Variants in EPSTI1 observed in about 807,000 individuals in gnomAD.
The protein encoded by EPSTI1 is epithelial stromal interaction 1, also known as epithelial-stromal interaction protein 1.
In EPSTI1, 66 loss-of-function variants were observed where a neutral mutation model predicts 49.9. The observed-to-expected ratio is 1.32, with a 90% confidence interval of 1.08 to 1.62. The LOEUF (loss-of-function observed/expected upper bound fraction) is 1.62. Ranked by LOEUF, EPSTI1 falls within the 40% of genes most tolerant of loss-of-function variation. EPSTI1 has a pLI of 0.00. For synonymous variants in EPSTI1, 137 were observed against 130.7 expected (o/e 1.05, Z -0.33); for missense variants, 394 against 365.5 (o/e 1.08, Z -0.64).
intron 7 of EPSTI1, among the ~76,000 whole-genome samples, chr13:42,923,413 T>C (rs1358026319): frequency 6.6e-6 from 1 of 151,962 alleles, no homozygotes; most frequent in Non-Finnish European, 1.5e-5. Flanking sequence ...CTACAAAAGT[T>C]AGCTGGGCGT....
chr13:42,949,637 G>A (rs2039035868), intron 6 of EPSTI1, among the ~76,000 whole-genome samples: 1 of 148,282 alleles, frequency 6.7e-6, no homozygotes, highest in Non-Finnish European at 1.5e-5. Flanking sequence ...TTTCTTTTTT[G>A]GTCATCAAGT....
chr13:42,951,656 T>A (rs558196409), intron 6 of EPSTI1, among the ~76,000 whole-genome samples: 1 of 152,198 alleles, frequency 6.6e-6, no homozygotes, highest in African/African-American at 2.4e-5. Flanking sequence ...AGAAAGGAGG[T>A]TGGACGCACA....
intron 6 of EPSTI1, 72 bp downstream of exon 6, chr13:42,953,876 C>T: frequency 8.3e-7 from 1 of 1,205,376 alleles, no homozygotes. Context: ...GACAAGTTAG[C>T]ATCACCTGAA....
At chr13:42,932,436 T>C (rs2038407680) in intron 6 of EPSTI1, among the ~76,000 whole-genome samples, 1 of 152,076 alleles carries the variant, frequency 6.6e-6, no homozygotes. Flanking sequence ...TATGACTCAG[T>C]CTCTCAATCC....
chr13:42,948,042 C>T (rs1288006744), intron 6 of EPSTI1, among the ~76,000 whole-genome samples: 1 of 152,252 alleles, frequency 6.6e-6, no homozygotes, highest in East Asian at 1.9e-4. Context: ...ACCCACCTTC[C>T]AGGCCTCACC....
At chr13:42,939,844 T>C (rs1026100233) in intron 6 of EPSTI1, among the ~76,000 whole-genome samples, 1 of 152,216 alleles carries the variant, frequency 6.6e-6, no homozygotes, top group Non-Finnish European at 1.5e-5. Context: ...AAATGAAATA[T>C]CTGTGAGGTG....
chr13:42,942,747 G>GGC (rs1272496700), intron 6 of EPSTI1, among the ~76,000 whole-genome samples: 1 of 130,836 alleles, frequency 7.6e-6, no homozygotes, highest in Non-Finnish European at 1.5e-5. Flanking sequence ...AGACTGCAGT[G>GGC]GCGCAATCTC....
chr13:42,888,576 G>A (rs1454524167), intron 10 of EPSTI1, 74 bp from the exon 11 acceptor site: 1 of 1,489,514 alleles, frequency 6.7e-7, no homozygotes, highest in South Asian at 1.3e-5. Flanking sequence ...CAAAAATGAA[G>A]TTCCTGCAAA....
Position 42,943,410 on chromosome 13 carries a change from T to C in EPSTI1, c.563+10538A>G, listed in dbSNP as rs143704620. On this transcript the variant is annotated intron_variant, in intron 6 of 10. Transcript: ENST00000313624. ...GTATTCAGCGTCTCTTTCCAAACAC[T>C]ATCCTGGATCTCTTATGTGGATTGT... Among the ~76,000 whole-genome samples the C allele has an allele frequency of 4.6e-4, 70 of 152,374 alleles. 1 individual carries two copies. The highest frequency in any genetic ancestry group is 1.4e-3 in the African/African-American group (60 of 41,586).
rs546933446 is a variant in EPSTI1, at chr13:42,948,354, A to G, written c.563+5594T>C. Among the ~76,000 whole-genome samples, 23 of 147,306 alleles carry G rather than the reference A, an allele frequency of 1.6e-4. No individual in the cohort carries two copies. The South Asian group carries it at 2.2e-3, about 14-fold the overall frequency. On this transcript the variant is annotated intron_variant, in intron 6 of 10. Coordinates refer to ENST00000313624, the MANE Select transcript of EPSTI1 (RefSeq NM_033255.5). ...GTCCTTGGACCCCAGCTTTCCTGGG[A>G]GGGCCATAGGGGAAGTGGCCATGCT...
chr13:42,965,355 C>A (rs2039574754), intron 3 of EPSTI1, among the ~76,000 whole-genome samples: 1 of 152,166 alleles, frequency 6.6e-6, no homozygotes, highest in Admixed American at 6.5e-5. Flanking sequence ...ACCTGACTAA[C>A]CCTAGATAAT....
intron 1 of EPSTI1, among the ~76,000 whole-genome samples, chr13:42,984,460 A>G (rs1192245356): frequency 6.6e-6 from 1 of 152,250 alleles, no homozygotes; most frequent in Non-Finnish European, 1.5e-5. Context: ...TGGCTTATTC[A>G]GATGCAAATA....
chr13:42,969,298 A>AAGG, intron 2 of EPSTI1, 121 bp from the exon 3 acceptor site: 1 of 949,624 alleles, frequency 1.1e-6, no homozygotes, highest in Non-Finnish European at 1.6e-6. Flanking sequence ...ATGAGTGAAC[A>AAGG]AGGCTTCCAG....
intron 4 of EPSTI1, 46 bp downstream of exon 4, chr13:42,964,020 A>T: frequency 6.7e-7 from 1 of 1,483,772 alleles, no homozygotes; most frequent in Non-Finnish European, 9.3e-7. Context: ...AAGAGCTGGT[A>T]CTCATATTCC....
At chr13:42,918,741 T>A (rs1021300003) in intron 7 of EPSTI1, among the ~76,000 whole-genome samples, 3 of 152,202 alleles carry the variant, frequency 2.0e-5, no homozygotes, top group East Asian at 1.9e-4. Flanking sequence ...CCCTGCTGCA[T>A]TGGGCAGGTA....
intron 2 of EPSTI1, 114 bp downstream of exon 2, chr13:42,970,495 CCTT>C: frequency 4.8e-6 from 4 of 837,346 alleles, no homozygotes; most frequent in Non-Finnish European, 7.1e-6. Context: ...AAACAAAAAA[CCTT>C]GATGAGATTT....
chr13:42,935,992 C>T (rs1033551261), intron 6 of EPSTI1, among the ~76,000 whole-genome samples: 1 of 152,186 alleles, frequency 6.6e-6, no homozygotes, highest in Non-Finnish European at 1.5e-5. Flanking sequence ...CTTTCATCTT[C>T]TCAACACGAA....
intron 1 of EPSTI1, among the ~76,000 whole-genome samples, chr13:42,971,866 CAATT>C (rs1488277796): frequency 6.6e-6 from 1 of 152,152 alleles, no homozygotes. Context: ...GCTGGATGCC[CAATT>C]ACTTAATGTA....
chr13:42,924,748 C>T (rs966361411), intron 7 of EPSTI1, among the ~76,000 whole-genome samples: 4 of 152,116 alleles, frequency 2.6e-5, no homozygotes, highest in Non-Finnish European at 5.9e-5. Flanking sequence ...AGGGCCCACA[C>T]TGATGAATTT....
Sources: gnomAD v4.1 joint callset for allele counts (sites outside exome capture counted in the v4.1 genomes callset) on GRCh38, gnomAD v4.1.1 for gene constraint, MANE v1.5 for transcripts, NCBI Gene and HGNC (gene_info 2026-07-23, HGNC 2026-07-21) for gene names.